Variants in PCDH20 observed in about 807,000 individuals in gnomAD.
PCDH20 encodes protocadherin-20.
In PCDH20, 18 loss-of-function variants were observed where a neutral mutation model predicts 39.7. That is an observed-to-expected ratio of 0.45 (90% confidence interval 0.31 to 0.67). The LOEUF is 0.67. PCDH20 is among the 30% of genes least tolerant of loss of function. PCDH20 has a pLI of 0.05. For missense variants in PCDH20, 1,161 were observed against 1,167.4 expected (o/e 0.99, Z 0.08); for synonymous variants, 495 against 455.4 (o/e 1.09, Z -1.11).
rs778069904 is a variant in PCDH20, at chr13:61,413,978, G to A, written c.133-12C>T. 1 of 1,593,526 alleles carries A rather than the reference G, an allele frequency of 6.3e-7. No individual in the cohort carries two copies. The highest frequency in any genetic ancestry group is 8.6e-7 in the Non-Finnish European group (1 of 1,166,128). ...AACAGAAACAGATGCTGGAGTTGGG[G>A]GAGGGAAGAAAGCTCATTACACACA... On this transcript the variant is annotated splice_polypyrimidine_tract_variant and intron_variant, in intron 1 of 1. Coordinates refer to ENST00000409204, the Ensembl canonical transcript of PCDH20.
chr13:61,415,315 G>A, exon 1 of PCDH20: 1 of 872,072 alleles, frequency 1.1e-6, no homozygotes, highest in Non-Finnish European at 1.6e-6. Context: ...CAAGAGGGCA[G>A]AAGGGCACAT....
At chr13:61,412,714 T>A in exon 2 of PCDH20, 1 of 1,614,198 alleles carries the variant, frequency 6.2e-7, no homozygotes, top group Non-Finnish European at 8.5e-7. Context: ...AACCTTGTAT[T>A]TACCTTCTGG....
Position 61,411,644 on chromosome 13 carries a change from G to A in PCDH20, c.2455C>T (p.Arg819Cys), listed in dbSNP as rs1301436901. Residue 819 changes from arginine (R) to cysteine (C), a missense_variant, in exon 2 of 2, where the codon CGC (arginine) becomes TGC (cysteine). By Grantham distance (180) the Arg-to-Cys change is radical. This residue lies in a region of PCDH20 where 754 missense variants were observed against 777.5 expected (regional missense o/e 0.97). Transcript: ENST00000409204. ...TGATCACTCACTTTCACCAGTAAGCGATGGAGCCCATAATCTGTCTGCAGC... is the reference window on the plus strand; with the variant it reads ...TGATCACTCACTTTCACCAGTAAGCAATGGAGCCCATAATCTGTCTGCAGC... 5.0e-6 allele frequency: 8 copies of A among 1,614,046 alleles called. No homozygotes were observed. The African/African-American group carries it at 5.3e-5, about 11-fold the overall frequency.
exon 2 of PCDH20, chr13:61,411,413 T>G: frequency 6.2e-7 from 1 of 1,614,138 alleles, no homozygotes; most frequent in Non-Finnish European, 8.5e-7. Flanking sequence ...CCCAAGCTTA[T>G]TACAGACAGA....
chr13:61,414,005 G>T (rs528152870), intron 1 of PCDH20, 39 bp from the exon 2 acceptor site: 3 of 1,514,046 alleles, frequency 2.0e-6, no homozygotes, highest in Non-Finnish European at 2.7e-6. Context: ...TTACACACAC[G>T]GGGAAATAGG....
chr13:61,412,351 G>GA lies in PCDH20; in HGVS notation c.1747dup (p.Ser583PhefsTer31). On this transcript the variant is annotated frameshift_variant, in exon 2 of 2. Coordinates refer to ENST00000409204, the Ensembl canonical transcript of PCDH20. LOFTEE classifies it low-confidence loss of function (END_TRUNC). ...CAGAATTCCTGTGACACTGTCTAAG[G>GA]AAAAATATGATGGAGCATCAGGTCC... 1 of 1,614,076 alleles carries GA rather than the reference G, an allele frequency of 6.2e-7. No individual in the cohort carries two copies. Among genetic ancestry groups the GA allele is most frequent in the Non-Finnish European group, 8.5e-7 (1 of 1,180,020 alleles).
exon 2 of PCDH20, chr13:61,411,923 C>T (rs140923390): frequency 1.2e-6 from 2 of 1,613,916 alleles, no homozygotes; most frequent in African/African-American, 2.7e-5. Context: ...GTGATTTTTG[C>T]TGTAGAGGAG....
chr13:61,415,227 G>A lies in PCDH20; in HGVS notation c.-69C>T, dbSNP rs1871522167. ...CAGAAGACACTCCCTCTCGGTTCAT[G>A]CAAATCGCTGGGGGAACTTCAGCCA... On this transcript the variant is annotated 5_prime_UTR_variant, in exon 1 of 2. Transcript: ENST00000409204. 4 of 1,290,820 alleles carry A rather than the reference G, an allele frequency of 3.1e-6. No homozygotes were observed. In the South Asian group the frequency reaches 6.8e-5, roughly 22 times the overall value. The allele number at this position is 1,290,820 out of a possible 1,614,324, so 80.0% of individuals were successfully genotyped here. A position where few individuals can be genotyped will look rare whatever the true frequency, so the allele number is the denominator to read the frequency against.
At chr13:61,414,539 C>T (rs1036286134) in intron 1 of PCDH20, among the ~76,000 whole-genome samples, 1 of 152,140 alleles carries the variant, frequency 6.6e-6, no homozygotes. Context: ...ACCTCCAACA[C>T]TTTAGGTCTT....
chr13:61,412,173 CTTG>C, exon 2 of PCDH20: 1 of 1,614,176 alleles, frequency 6.2e-7, no homozygotes, highest in Non-Finnish European at 8.5e-7. Flanking sequence ...AGCTGAAGTC[CTTG>C]TTGATAAACC....
chr13:61,413,436 A>G (rs747085696), exon 2 of PCDH20: 3 of 1,613,080 alleles, frequency 1.9e-6, no homozygotes, highest in Admixed American at 1.7e-5. Flanking sequence ...TTACAGGTGC[A>G]TTTTCCGGGA....
At chr13:61,413,828 G>A in exon 2 of PCDH20, 1 of 1,612,950 alleles carries the variant, frequency 6.2e-7, no homozygotes, top group Non-Finnish European at 8.5e-7. Flanking sequence ...CTGGGCAGCA[G>A]CCGCAGGTCC....
In PCDH20 at chr13:61,412,292, C is replaced by A; in HGVS notation, c.1807G>T (p.Glu603Ter). ...GCTCTGACAGTGTATCTGTACTTTT[C>A]TTTCTCTTCTCGGTCCAGCTGAGTA... The change falls in exon 2 of 2, where the codon GAA becomes TAA. Residue 603 changes from glutamate to a stop codon, truncating the protein, a stop_gained. Transcript: ENST00000409204. LOFTEE classifies it low-confidence loss of function (END_TRUNC). The A allele has an allele frequency of 6.2e-7, 1 of 1,614,078 alleles. No homozygotes were observed. Among genetic ancestry groups the A allele is most frequent in the Non-Finnish European group, 8.5e-7 (1 of 1,179,988 alleles).
exon 2 of PCDH20, chr13:61,413,381 C>G (rs769658893): frequency 6.2e-7 from 1 of 1,614,072 alleles, no homozygotes; most frequent in South Asian, 1.1e-5. Flanking sequence ...CCATTAATGC[C>G]TACATCTGGG....
At chr13:61,414,115 G>T in intron 1 of PCDH20, 149 bp from the exon 2 acceptor site, 1 of 725,100 alleles carries the variant, frequency 1.4e-6, no homozygotes, top group Non-Finnish European at 2.2e-6. Context: ...GAAGAACCCT[G>T]CTGCGAAGGA....
exon 2 of PCDH20, chr13:61,409,982 T>C (rs939561871): frequency 2.6e-5 from 4 of 152,106 alleles, no homozygotes; most frequent in Admixed American, 6.6e-5. Flanking sequence ...ACAGATTATT[T>C]TGCTATAGCT....
chr13:61,412,680 C>A, exon 2 of PCDH20: 1 of 1,614,082 alleles, frequency 6.2e-7, no homozygotes, highest in Non-Finnish European at 8.5e-7. Flanking sequence ...ACCTAAACGG[C>A]CCTTCACCAT....
exon 2 of PCDH20, chr13:61,411,168 C>A: frequency 7.7e-7 from 1 of 1,295,580 alleles, no homozygotes; most frequent in Non-Finnish European, 1.1e-6. Context: ...GAACTGCCAT[C>A]AACACACTCT....
rs756155960 is a variant in PCDH20 at position 61,412,573 on chromosome 13, G to A, written c.1526C>T (p.Ala509Val). 1.4e-5 allele frequency: 23 copies of A among 1,613,970 alleles called. No homozygotes were observed. In the South Asian group the frequency reaches 2.4e-4, roughly 17 times the overall value. Reference sequence around the variant, plus strand: ...GACATGAAATCCCTCAGAGTTCCAAGCCACCACAGCTACTTCATAGAACTG... The same window carrying A: ...GACATGAAATCCCTCAGAGTTCCAAACCACCACAGCTACTTCATAGAACTG... The change falls in exon 2 of 2, where the codon GCT becomes GTT. Residue 509 changes from alanine to valine, a missense_variant. Ala to Val is a moderately conservative substitution (Grantham distance 64). Coordinates refer to ENST00000409204, the Ensembl canonical transcript of PCDH20.
Sources: allele counts gnomAD v4.1 joint callset (sites outside exome capture counted in the v4.1 genomes callset), GRCh38; gene constraint gnomAD v4.1.1; regional missense constraint gnomAD v4.1.1; transcripts MANE v1.5; gene names NCBI Gene and HGNC (gene_info 2026-07-23, HGNC 2026-07-21).